The following PTPRD variants were observed in gnomAD, a reference collection of about 807,000 sequenced individuals.
PTPRD encodes protein tyrosine phosphatase receptor type D, also known as receptor-type tyrosine-protein phosphatase delta.
PTPRD carries 34 observed loss-of-function variants against 214.5 expected under a neutral mutation model. The observed-to-expected ratio is 0.16, with a 90% CI of 0.12 to 0.21. The LOEUF (loss-of-function observed/expected upper bound fraction) is 0.21, where lower values mean the gene tolerates loss of function less well. PTPRD is among the 10% of genes least tolerant of loss of function. The pLI is 1.00. For missense variants in PTPRD, 2,545 were observed against 2,398.7 expected, an observed-to-expected ratio of 1.06 and a Z score of -1.27; for synonymous variants, 1,128 against 845.7, an observed-to-expected ratio of 1.33 and a Z score of -5.79.
At chr9:10,341,186 G>A (rs1015742454) in intron 2 of PTPRD, among the ~76,000 whole-genome samples, 169 bp from the exon 3 acceptor site, 1 of 151,820 alleles carries the variant, frequency 6.6e-6, no homozygotes, top group Non-Finnish European at 1.5e-5. Flanking sequence ...TCCAACTTTC[G>A]GTATTGATTT....
chr9:8,988,151 A>C (rs910960299), intron 11 of PTPRD, among the ~76,000 whole-genome samples: 1 of 152,118 alleles, frequency 6.6e-6, no homozygotes, highest in Non-Finnish European at 1.5e-5. Context: ...GTTGTAGTTC[A>C]TATTATAAAA....
chr9:10,338,540 A>C (rs926399585), intron 3 of PTPRD, among the ~76,000 whole-genome samples: 1 of 151,724 alleles, frequency 6.6e-6, no homozygotes, highest in Non-Finnish European at 1.5e-5. Flanking sequence ...TTTGACTTTT[A>C]TCACATCTAT....
chr9:8,969,218 C>T (rs2099220751), intron 11 of PTPRD, among the ~76,000 whole-genome samples: 1 of 151,936 alleles, frequency 6.6e-6, no homozygotes, highest in East Asian at 1.9e-4. Flanking sequence ...AATTAAAAAG[C>T]CGAATCGTGC....
chr9:10,437,776 T>A (rs541460096), intron 2 of PTPRD, among the ~76,000 whole-genome samples: 1 of 151,242 alleles, frequency 6.6e-6, no homozygotes, highest in South Asian at 2.1e-4. Context: ...TTTTATCAGA[T>A]ATATATATAT....
chr9:10,593,894 A>G (rs1310564494), intron 2 of PTPRD, among the ~76,000 whole-genome samples: 1 of 151,992 alleles, frequency 6.6e-6, no homozygotes, highest in African/African-American at 2.4e-5. Flanking sequence ...CCAGCCCCAA[A>G]TGGTGCTTTC....
chr9:9,008,514 C>G (rs949647290), intron 11 of PTPRD, among the ~76,000 whole-genome samples: 2 of 151,966 alleles, frequency 1.3e-5, no homozygotes, highest in Non-Finnish European at 1.5e-5. Flanking sequence ...GCATGAGCCA[C>G]CGCGCCCGGC....
intron 8 of PTPRD, among the ~76,000 whole-genome samples, chr9:9,515,869 T>A (rs1418766182): frequency 6.6e-6 from 1 of 152,072 alleles, no homozygotes; most frequent in African/African-American, 2.4e-5. Flanking sequence ...AAAAAAGAAT[T>A]ACTTTAAAGA....
intron 2 of PTPRD, among the ~76,000 whole-genome samples, chr9:10,468,418 T>A (rs7875821): frequency 1.3e-5 from 2 of 152,054 alleles, no homozygotes; most frequent in African/African-American, 4.8e-5. Flanking sequence ...CCAAACACCA[T>A]ATGTTCTCAC....
At chr9:8,620,677 T>C (rs1337363658) in intron 14 of PTPRD, among the ~76,000 whole-genome samples, 1 of 151,908 alleles carries the variant, frequency 6.6e-6, no homozygotes, top group Non-Finnish European at 1.5e-5. Context: ...GAGAGAGCAG[T>C]GGATGTGTAC....
At chr9:9,546,580 T>G (rs574866604) in intron 8 of PTPRD, among the ~76,000 whole-genome samples, 100 of 151,982 alleles carry the variant, frequency 6.6e-4, no homozygotes, top group Middle Eastern at 3.4e-3. Flanking sequence ...CGACAATTAC[T>G]ACTACCTTTA....
At chr9:9,515,691 CTA>C (rs1375511706) in intron 8 of PTPRD, among the ~76,000 whole-genome samples, 1 of 151,402 alleles carries the variant, frequency 6.6e-6, no homozygotes, top group Non-Finnish European at 1.5e-5. Flanking sequence ...AAAATTATAT[CTA>C]TATGTTAATA....
chr9:9,148,128 T>C (rs1009471791), intron 10 of PTPRD, among the ~76,000 whole-genome samples: 17 of 152,308 alleles, frequency 1.1e-4, no homozygotes, highest in Non-Finnish European at 2.1e-4. Flanking sequence ...AAGAAGAAAA[T>C]TACGAGCACT....
intron 10 of PTPRD, among the ~76,000 whole-genome samples, chr9:9,043,460 T>C (rs1050406684): frequency 2.0e-5 from 3 of 152,280 alleles, no homozygotes; most frequent in African/African-American, 4.8e-5. Flanking sequence ...ACCATAACCT[T>C]TTCTGTTTTG....
At chr9:9,489,520 A>G (rs2095810080) in intron 8 of PTPRD, among the ~76,000 whole-genome samples, 2 of 152,194 alleles carry the variant, frequency 1.3e-5, no homozygotes, top group African/African-American at 2.4e-5. Context: ...GAGAAAGTCA[A>G]GAAAACAATA....
At chr9:9,575,785 G>GAA (rs35252772) in intron 7 of PTPRD, among the ~76,000 whole-genome samples, 1 of 110,338 alleles carries the variant, frequency 9.1e-6, no homozygotes, top group African/African-American at 3.4e-5. Flanking sequence ...GAAAGAAAAA[G>GAA]AAAAAAAAAA....
chr9:8,789,587 C>T (rs986606313), intron 11 of PTPRD, among the ~76,000 whole-genome samples: 2 of 151,972 alleles, frequency 1.3e-5, no homozygotes, highest in South Asian at 2.1e-4. Context: ...CCGTTATTGG[C>T]AATGTAAATG....
chr9:9,168,614 A>AT lies in PTPRD; in HGVS notation c.-143+14689dup, dbSNP rs1314714896. 3.3e-5 allele frequency among the ~76,000 whole-genome samples: 5 copies of AT among 152,150 alleles called. No individual in the cohort carries two copies. The South Asian group carries it at 8.3e-4, about 25-fold the overall frequency. Reference sequence around the variant, plus strand: ...AGCGAAACTTATAGTTTAAAAAACGATTTTTTTGCACTGACTTGACTATTT... The same window carrying AT: ...AGCGAAACTTATAGTTTAAAAAACGATTTTTTTTGCACTGACTTGACTATTT... On this transcript the variant is annotated intron_variant, in intron 10 of 45. Transcript: ENST00000381196.
chr9:9,973,516 T>C (rs903761191), intron 4 of PTPRD, among the ~76,000 whole-genome samples: 4 of 151,942 alleles, frequency 2.6e-5, no homozygotes, highest in Non-Finnish European at 4.4e-5. Flanking sequence ...CAAGTAGAGA[T>C]TGACTTGGTC....
At position 10,374,675 on chromosome 9, in the gene PTPRD, C is replaced by A. The variant is rs535693598; in HGVS notation, c.-599-33658G>T. 3.3e-5 allele frequency among the ~76,000 whole-genome samples: 5 copies of A among 152,150 alleles called. No individual in the cohort carries two copies. The South Asian group carries it at 6.2e-4, about 19-fold the overall frequency. ...GGAGGTGGTAATATGAAGCGTGATG[C>A]AGTTTTCCACACATTTGCTAGCTCC... On this transcript the variant is annotated intron_variant, in intron 2 of 45. Transcript: ENST00000381196.
Sources: allele counts gnomAD v4.1 joint callset (sites outside exome capture counted in the v4.1 genomes callset), GRCh38; gene constraint gnomAD v4.1.1; transcripts MANE v1.5; gene names NCBI Gene and HGNC (gene_info 2026-07-23, HGNC 2026-07-21).